IL6R: variants seen among roughly 807,000 people sequenced by gnomAD.
IL6R encodes the protein interleukin-6 receptor subunit alpha.
Under a neutral mutation model 48.3 loss-of-function variants are expected in IL6R, and 38 were observed. That is an observed-to-expected ratio of 0.79 (90% CI 0.61 to 1.03). IL6R has a LOEUF of 1.03. Among genes scored for constraint, IL6R ranks in the 50% least tolerant of loss-of-function variants. The pLI is 0.00. For synonymous variants in IL6R, 264 were observed against 256.2 expected, an observed-to-expected ratio of 1.03 and a Z score of -0.29; for missense variants, 534 against 618.3, an observed-to-expected ratio of 0.86 and a Z score of 1.45.
intron 9 of IL6R, among the ~76,000 whole-genome samples, chr1:154,457,060 C>T (rs373557367): frequency 1.3e-5 from 2 of 151,926 alleles, no homozygotes; most frequent in Non-Finnish European, 2.9e-5. Context: ...TGGTAGCTAA[C>T]GCCTGTAATC....
At chr1:154,435,527 A>C (rs890995951) in intron 5 of IL6R, among the ~76,000 whole-genome samples, 3 of 151,258 alleles carry the variant, frequency 2.0e-5, no homozygotes, top group African/African-American at 7.3e-5. Context: ...AAAAAAATAG[A>C]AAGGGTACTA....
At chr1:154,433,567 G>A (rs1280309470) in intron 3 of IL6R, among the ~76,000 whole-genome samples, 1 of 152,136 alleles carries the variant, frequency 6.6e-6, no homozygotes, top group Non-Finnish European at 1.5e-5. Context: ...CAAGAGCACA[G>A]GCCCAGCGGG....
chr1:154,454,554 C>T lies in IL6R; in HGVS notation c.1133C>T (p.Thr378Met), dbSNP rs1477631010. The T allele has an allele frequency of 3.1e-6, 5 of 1,613,464 alleles. No homozygotes were observed. The highest frequency in any genetic ancestry group is 4.5e-5 in the East Asian group (2 of 44,872). The change falls in exon 9 of 10, where the codon ACG becomes ATG. Residue 378 changes from threonine to methionine, a missense_variant. Coordinates refer to ENST00000368485, the MANE Select transcript of IL6R (RefSeq NM_000565.4). ...GCTGGAGGGAGCCTGGCCTTCGGAA[C>T]GCTCCTCTGCATTGCCATTGTTCTG... ...LVAGGSLAFG[T>M]LLCIAIVLRF...
intron 6 of IL6R, among the ~76,000 whole-genome samples, chr1:154,440,744 T>A (rs1053973678): frequency 6.8e-6 from 1 of 146,402 alleles, no homozygotes; most frequent in Admixed American, 7.1e-5. Context: ...AACCTCCACC[T>A]CCTGGGGTTC....
intron 1 of IL6R, chr1:154,414,444 G>A (rs956867961): frequency 1.2e-5 from 15 of 1,286,522 alleles, no homozygotes; most frequent in African/African-American, 4.4e-5. Flanking sequence ...GTGTCTTCTG[G>A]CTCCTGCTGC....
Position 154,465,473 on chromosome 1 carries a change from C to A in IL6R, c.*93C>A. 1 of 1,456,018 alleles carries A rather than the reference C, an allele frequency of 6.9e-7. No homozygotes were observed. The highest frequency in any genetic ancestry group is 9.5e-7 in the Non-Finnish European group (1 of 1,047,178). The allele number at this position is 1,456,018 out of a possible 1,614,324, so 90.2% of individuals were successfully genotyped here. ...GCTTCTCACTGCCATGCCAGCTTAT[C>A]TCAGGGGTGTGCGGCCTTTGGCTTC... is the stretch of plus-strand genomic sequence containing the variant. On this transcript the variant is annotated 3_prime_UTR_variant, in exon 10 of 10. Transcript: ENST00000368485.
Position 154,434,700 on chromosome 1 carries a change from T to C in IL6R, c.640T>C (p.Leu214=), listed in dbSNP as rs1175493358. 4 of 1,613,550 alleles carry C rather than the reference T, an allele frequency of 2.5e-6. No homozygotes were observed. Among genetic ancestry groups the C allele is most frequent in the Non-Finnish European group, 3.4e-6 (4 of 1,179,706 alleles). ...TCAAACCTTTCAGGGTTGTGGAATCTGTACGTAAGCTCTAACCCCCTCTCC... is the reference window on the plus strand; with the variant it reads ...TCAAACCTTTCAGGGTTGTGGAATCCGTACGTAAGCTCTAACCCCCTCTCC... ...KTQTFQGCGI[L]QPDPPANITV... is the part of the protein sequence containing the mutation. Residue 214 remains leucine (L), a splice_region_variant and synonymous_variant, in exon 4 of 10, where the codon TTG becomes CTG. Transcript: ENST00000368485.
rs60033332 is a variant in IL6R, at chr1:154,457,322, C to CA, written c.1160+2763dup. Among the ~76,000 whole-genome samples the CA allele has an allele frequency of 8.1e-3, 632 of 78,012 alleles. 7 individuals are homozygous for CA. Among genetic ancestry groups the CA allele is most frequent in the Non-Finnish European group, 0.011 (441 of 40,694 alleles). The allele number at this position is 78,012 out of a possible 152,430, so 51.2% of individuals were successfully genotyped here. A position where few individuals can be genotyped will look rare whatever the true frequency, so the allele number is the denominator to read the frequency against. On this transcript the variant is annotated intron_variant, in intron 9 of 9. Coordinates refer to ENST00000368485, the MANE Select transcript of IL6R (RefSeq NM_000565.4). ...TGGACAACAGAGCAAGACTCCGTCT[C>CA]AAAAAAAAAAAAAAAAAAAAAAGAA...
At position 154,446,081 on chromosome 1, in the gene IL6R, A is replaced by G. The variant is rs1194139530; in HGVS notation, c.950-2044A>G. ...CTGCCCCCATCTTCTTTGTCTTCTG[A>G]TTTTAGCTTTCATTCTAGTGCCTCC... On this transcript the variant is annotated intron_variant, in intron 6 of 9. Coordinates refer to ENST00000368485, the MANE Select transcript of IL6R (RefSeq NM_000565.4). Among the ~76,000 whole-genome samples the G allele has an allele frequency of 3.3e-5, 5 of 152,078 alleles. No homozygotes were observed. In the South Asian group the frequency reaches 8.3e-4, roughly 25 times the overall value.
At chr1:154,461,627 T>C (rs567931872) in intron 9 of IL6R, among the ~76,000 whole-genome samples, 2 of 152,376 alleles carry the variant, frequency 1.3e-5, no homozygotes, top group African/African-American at 4.8e-5. Context: ...ATAATAATGA[T>C]TGATAATTGT....
At chr1:154,429,875 T>C (rs1166115149) in intron 2 of IL6R, among the ~76,000 whole-genome samples, 1 of 152,168 alleles carries the variant, frequency 6.6e-6, no homozygotes, top group Non-Finnish European at 1.5e-5. Flanking sequence ...ACACATATGC[T>C]GCTAAAAAGT....
intron 9 of IL6R, 110 bp from the exon 10 acceptor site, chr1:154,465,024 C>T: frequency 2.3e-6 from 3 of 1,306,312 alleles, no homozygotes; most frequent in Non-Finnish European, 3.3e-6. Flanking sequence ...GAGCCGAAAC[C>T]TGGGCGCGCC....
At chr1:154,450,800 T>A (rs545632807) in intron 8 of IL6R, among the ~76,000 whole-genome samples, 32 of 152,356 alleles carry the variant, frequency 2.1e-4, no homozygotes, top group Non-Finnish European at 4.3e-4. Context: ...CTGATGACTC[T>A]TGGGCTTCGT....
At chr1:154,406,411 C>A (rs567271799) in intron 1 of IL6R, 1 of 152,230 alleles carries the variant, frequency 6.6e-6, no homozygotes, top group African/African-American at 2.4e-5. Context: ...AGAGAAGGAC[C>A]CGTGAGGGAG....
intron 4 of IL6R, 41 bp downstream of exon 4, chr1:154,434,741 TTTTGA>T: frequency 6.3e-7 from 1 of 1,575,838 alleles, no homozygotes; most frequent in Non-Finnish European, 8.7e-7. Flanking sequence ...TTTCCTTCTC[TTTTGA>T]TTTAATACTC....
chr1:154,465,190 C>T lies in IL6R; in HGVS notation c.1217C>T (p.Pro406Leu), dbSNP rs150127972. Residue 406 changes from proline to leucine, a missense_variant, in exon 10 of 10, where the codon CCG (proline) becomes CTG (leucine). Pro to Leu is a moderately conservative substitution (Grantham distance 98). Coordinates refer to ENST00000368485, the MANE Select transcript of IL6R (RefSeq NM_000565.4). ...ALKEGKTSMH[P>L]PYSLGQLVPE... is the part of the protein sequence containing the mutation. ...AAGGAAGGCAAGACAAGCATGCATC[C>T]GCCGTACTCTTTGGGGCAGCTGGTC... 2.0e-5 allele frequency: 33 copies of T among 1,613,986 alleles called. No individual in the cohort carries two copies. Among genetic ancestry groups the T allele is most frequent in the East Asian group, 1.3e-4 (6 of 44,898 alleles).
chr1:154,434,445 C>T (rs1280202502), intron 3 of IL6R, 74 bp from the exon 4 acceptor site: 50 of 1,350,846 alleles, frequency 3.7e-5, no homozygotes, highest in Non-Finnish European at 4.9e-5. Context: ...CGGGATTCCA[C>T]TTCCCCCTTC....
At chr1:154,429,516 C>T in intron 2 of IL6R, 72 bp downstream of exon 2, 1 of 1,497,056 alleles carries the variant, frequency 6.7e-7, no homozygotes. Context: ...CAGACAGTCC[C>T]TGTCTGAGCC....
At chr1:154,432,358 T>C (rs1365869431) in intron 3 of IL6R, among the ~76,000 whole-genome samples, 1 of 117,456 alleles carries the variant, frequency 8.5e-6, no homozygotes, top group Non-Finnish European at 1.8e-5. Flanking sequence ...ACTGAAATAC[T>C]TTTTTTTTTT....
Sources: gnomAD v4.1 joint callset for allele counts (sites outside exome capture counted in the v4.1 genomes callset) on GRCh38, gnomAD v4.1.1 for gene constraint, MANE v1.5 for transcripts, NCBI Gene and HGNC (gene_info 2026-07-23, HGNC 2026-07-21) for gene names.